Variants in SLC9A4 observed in about 807,000 individuals in gnomAD.
SLC9A4 encodes solute carrier family 9 member A4, also known as sodium/hydrogen exchanger 4.
SLC9A4 carries 63 observed loss-of-function variants against 67.4 expected under a neutral mutation model. The observed-to-expected ratio is 0.93, with a 90% CI of 0.76 to 1.15. The LOEUF is 1.15. Ranked by LOEUF, SLC9A4 falls within the 50% of genes most tolerant of loss-of-function variation. The pLI, the probability that SLC9A4 is intolerant of heterozygous loss-of-function variation, is 0.00. For missense variants in SLC9A4, 1,089 were observed against 987.7 expected, an observed-to-expected ratio of 1.10 and a Z score of -1.38; for synonymous variants, 393 against 367.2, an observed-to-expected ratio of 1.07 and a Z score of -0.80.
chr2:102,473,605 T>G lies in SLC9A4; in HGVS notation c.-155T>G. ...ATTAGAAAGTGTCTACATACAGAGCTCAATAACACACTCGGAATCTTCTTG... is the reference window on the plus strand; with the variant it reads ...ATTAGAAAGTGTCTACATACAGAGCGCAATAACACACTCGGAATCTTCTTG... On this transcript the variant is annotated 5_prime_UTR_variant, in exon 1 of 12. Coordinates refer to ENST00000295269, the MANE Select transcript of SLC9A4 (RefSeq NM_001011552.4). 1 of 859,274 alleles carries G rather than the reference T, an allele frequency of 1.2e-6. No individual in the cohort carries two copies. Among genetic ancestry groups the G allele is most frequent in the Non-Finnish European group, 1.8e-6 (1 of 568,652 alleles). 53.2% of individuals were successfully genotyped at this position (859,274 alleles called of 1,614,324 possible).
intron 9 of SLC9A4, among the ~76,000 whole-genome samples, chr2:102,522,991 GTCAGTC>G (rs1674564448): frequency 6.6e-6 from 1 of 151,924 alleles, no homozygotes; most frequent in African/African-American, 2.4e-5. Context: ...GGAGACAGTT[GTCAGTC>G]TCACTCTGTC....
chr2:102,518,257 C>A (rs1458508930), intron 8 of SLC9A4, among the ~76,000 whole-genome samples: 1 of 152,174 alleles, frequency 6.6e-6, no homozygotes, highest in East Asian at 1.9e-4. Context: ...TCAAGTGTAA[C>A]TTTACCATTT....
intron 2 of SLC9A4, among the ~76,000 whole-genome samples, chr2:102,488,121 G>A (rs28692875): frequency 6.6e-6 from 1 of 152,120 alleles, no homozygotes; most frequent in Non-Finnish European, 1.5e-5. Flanking sequence ...GAAAAGCGTA[G>A]AGCTTCAAGC....
At chr2:102,493,554 A>C (rs528012209) in intron 2 of SLC9A4, among the ~76,000 whole-genome samples, 2 of 151,918 alleles carry the variant, frequency 1.3e-5, no homozygotes, top group East Asian at 3.9e-4. Flanking sequence ...CATGGAGGTA[A>C]CCATCCCCAT....
chr2:102,489,536 A>G (rs925222747), intron 2 of SLC9A4, among the ~76,000 whole-genome samples: 4 of 152,202 alleles, frequency 2.6e-5, no homozygotes, highest in African/African-American at 7.2e-5. Flanking sequence ...TTAAATTGAA[A>G]AAGAATTCCT....
At chr2:102,526,168 G>T in intron 10 of SLC9A4, 91 bp from the exon 11 acceptor site, 12 of 1,354,048 alleles carry the variant, frequency 8.9e-6, no homozygotes, top group Non-Finnish European at 1.2e-5. Flanking sequence ...GATTACAGGC[G>T]TGAGCCACAG....
intron 4 of SLC9A4, 188 bp downstream of exon 4, chr2:102,505,659 G>C: frequency 1.7e-6 from 1 of 594,502 alleles, no homozygotes; most frequent in South Asian, 2.3e-5. Context: ...AAAGTAATTA[G>C]TGGTTGATAA....
intron 2 of SLC9A4, among the ~76,000 whole-genome samples, chr2:102,482,605 G>T (rs963191626): frequency 3.3e-5 from 5 of 152,016 alleles, no homozygotes; most frequent in Non-Finnish European, 5.9e-5. Flanking sequence ...CCATTTCCTA[G>T]TTCATCTCCC....
chr2:102,478,985 C>T lies in SLC9A4; in HGVS notation c.403C>T (p.Leu135=). 6.2e-7 allele frequency: 1 copy of T among 1,614,154 alleles called. No homozygotes were observed. Among genetic ancestry groups the T allele is most frequent in the South Asian group, 1.1e-5 (1 of 91,090 alleles). Residue 135 remains leucine (L), a synonymous_variant, in exon 2 of 12, where the codon CTG becomes TTG. Transcript: ENST00000295269. The part of the protein sequence containing the change: ...MDSSIYFLYL[L]PPIVLEGGYF... ...CTCCAGCATCTACTTCCTGTATCTC[C>T]TGCCACCCATCGTTCTGGAGGGCGG...
intron 2 of SLC9A4, among the ~76,000 whole-genome samples, chr2:102,492,262 C>T (rs1353797957): frequency 6.6e-6 from 1 of 152,244 alleles, no homozygotes; most frequent in Non-Finnish European, 1.5e-5. Flanking sequence ...CACTAGGCAG[C>T]ACCCAAATGG....
At chr2:102,479,827 G>C (rs924920401) in intron 2 of SLC9A4, among the ~76,000 whole-genome samples, 3 of 152,196 alleles carry the variant, frequency 2.0e-5, no homozygotes, top group African/African-American at 7.2e-5. Context: ...TGCAGGACTT[G>C]TATGGAAAAA....
At chr2:102,478,547 C>G (rs760106496) in intron 1 of SLC9A4, among the ~76,000 whole-genome samples, 2 of 152,188 alleles carry the variant, frequency 1.3e-5, no homozygotes, top group Non-Finnish European at 2.9e-5. Flanking sequence ...CTCGTTTCTC[C>G]TTTTCCCTCA....
chr2:102,514,905 T>C (rs897700460), intron 8 of SLC9A4, among the ~76,000 whole-genome samples: 3 of 152,164 alleles, frequency 2.0e-5, no homozygotes, highest in Non-Finnish European at 4.4e-5. Flanking sequence ...TACTGGAATA[T>C]AAACCCATCA....
chr2:102,516,310 AT>A (rs1685276856), intron 8 of SLC9A4, among the ~76,000 whole-genome samples: 1 of 151,998 alleles, frequency 6.6e-6, no homozygotes, highest in African/African-American at 2.4e-5. Flanking sequence ...GGTGGGAGAG[AT>A]TTTTTAAAGT....
At chr2:102,491,572 C>T (rs1684701123) in intron 2 of SLC9A4, among the ~76,000 whole-genome samples, 1 of 151,996 alleles carries the variant, frequency 6.6e-6, no homozygotes, top group Non-Finnish European at 1.5e-5. Flanking sequence ...ATCACGAGAA[C>T]AGCATGAGAA....
At chr2:102,528,610 G>A (rs1443461823) in intron 11 of SLC9A4, among the ~76,000 whole-genome samples, 1 of 152,106 alleles carries the variant, frequency 6.6e-6, no homozygotes, top group Admixed American at 6.5e-5. Flanking sequence ...CATGCCTATG[G>A]TAGCAGGAGA....
rs1009706678 is a variant in SLC9A4 at position 102,526,269 on chromosome 2, A to G, written c.1961A>G (p.Lys654Arg). Residue 654 changes from lysine (K) to arginine (R), a missense_variant, in exon 11 of 12, where the codon AAG (lysine) becomes AGG (arginine). Coordinates refer to ENST00000295269, the MANE Select transcript of SLC9A4 (RefSeq NM_001011552.4). ...SLPWGKPAGT[K>R]NIRYLSYPYG... is the part of the protein sequence containing the mutation. ...ACTTGCTACCCACAGGCTGGCACCA[A>G]GAATATCCGCTACCTCTCCTACCCC... 1.9e-6 allele frequency: 3 copies of G among 1,613,594 alleles called. No homozygotes were observed. In the African/African-American group the frequency reaches 4.0e-5, roughly 22 times the overall value.
intron 10 of SLC9A4, among the ~76,000 whole-genome samples, 169 bp from the exon 11 acceptor site, chr2:102,526,090 G>T (rs1235590138): frequency 6.6e-6 from 1 of 152,182 alleles, no homozygotes; most frequent in African/African-American, 2.4e-5. Context: ...GTTTCACCAT[G>T]TTGGCCAGGC....
At chr2:102,488,512 C>A (rs1457156010) in intron 2 of SLC9A4, among the ~76,000 whole-genome samples, 1 of 151,538 alleles carries the variant, frequency 6.6e-6, no homozygotes, top group Non-Finnish European at 1.5e-5. Context: ...TAGGCTAATA[C>A]CACTGAGAAA....
Sources: allele counts gnomAD v4.1 joint callset (sites outside exome capture counted in the v4.1 genomes callset), GRCh38; gene constraint gnomAD v4.1.1; transcripts MANE v1.5; gene names NCBI Gene and HGNC (gene_info 2026-07-23, HGNC 2026-07-21).